The following CCNY variants were observed in gnomAD, a reference collection of about 807,000 sequenced individuals.
CCNY encodes cyclin Y.
In CCNY, 19 loss-of-function variants were observed where a neutral mutation model predicts 42.8. The observed-to-expected ratio is 0.44, with a 90% CI of 0.31 to 0.65. CCNY has a LOEUF of 0.65. Ranked by LOEUF, CCNY falls within the 30% of genes least tolerant of loss-of-function variation. CCNY has a pLI of 0.07. For missense variants in CCNY, 370 were observed against 437.3 expected (o/e 0.85, Z 1.37); for synonymous variants, 165 against 162.7 (o/e 1.01, Z -0.11).
rs538360397 is a variant in CCNY at position 35,296,988 on chromosome 10, A to C, written c.-9+46362A>C. 3.3e-5 allele frequency among the ~76,000 whole-genome samples: 5 copies of C among 152,170 alleles called. No homozygotes were observed. In the South Asian group the frequency reaches 1.0e-3, roughly 32 times the overall value. On this transcript the variant is annotated intron_variant, in intron 3 of 11. Transcript: ENST00000374706. ...GTCATCCTGATACCAAAACCTGGCA[A>C]AACACAACAACAAAAAAATCTTCAG... is the stretch of plus-strand genomic sequence containing the variant.
chr10:35,416,758 G>A (rs188738882), intron 1 of CCNY, among the ~76,000 whole-genome samples: 82 of 152,266 alleles, frequency 5.4e-4, no homozygotes, highest in Middle Eastern at 3.4e-3. Flanking sequence ...GGAGGGCCGC[G>A]GACCACCTGC....
intron 1 of CCNY, among the ~76,000 whole-genome samples, chr10:35,462,077 A>G (rs149911558): frequency 4.6e-4 from 70 of 152,348 alleles, no homozygotes; most frequent in African/African-American, 1.5e-3. Context: ...TCCTAACTCT[A>G]GAAAATCAAG....
chr10:35,466,568 C>T (rs1263072307), intron 1 of CCNY, among the ~76,000 whole-genome samples: 2 of 152,184 alleles, frequency 1.3e-5, no homozygotes, highest in Non-Finnish European at 2.9e-5. Context: ...TCAAGCCTCA[C>T]ACAGAAGGGA....
At chr10:35,500,429 A>G (rs1254804787) in intron 2 of CCNY, among the ~76,000 whole-genome samples, 1 of 152,230 alleles carries the variant, frequency 6.6e-6, no homozygotes. Flanking sequence ...ACAGTTCCAT[A>G]GTCCCTTCAA....
intron 1 of CCNY, among the ~76,000 whole-genome samples, chr10:35,452,061 C>T (rs1486909948): frequency 6.6e-6 from 1 of 152,130 alleles, no homozygotes; most frequent in Non-Finnish European, 1.5e-5. Context: ...ATTTTGTTTA[C>T]TAGCTTAGTA....
chr10:35,502,819 C>T (rs2135392453), intron 3 of CCNY, among the ~76,000 whole-genome samples: 1 of 152,086 alleles, frequency 6.6e-6, no homozygotes, highest in East Asian at 1.9e-4. Context: ...TCTCTAAATC[C>T]TTGCTTCCAT....
intron 1 of CCNY, among the ~76,000 whole-genome samples, chr10:35,465,938 A>AGAGAGAGAGAGAGAGAGAGTGTGT: frequency 0.023 from 1,813 of 79,952 alleles, 60 homozygotes; most frequent in Non-Finnish European, 0.033. Flanking sequence ...AGAGAGAGAG[A>AGAGAGAGAGAGAGAGAGAGTGTGT]GTGTGTGTGT....
chr10:35,523,757 C>CT (rs1044732705), intron 4 of CCNY, among the ~76,000 whole-genome samples: 1 of 152,038 alleles, frequency 6.6e-6, no homozygotes. Flanking sequence ...CTTTTATATA[C>CT]TTTTTTTATT....
intron 1 of CCNY, among the ~76,000 whole-genome samples, chr10:35,391,093 C>A (rs1246588977): frequency 6.6e-6 from 1 of 152,194 alleles, no homozygotes; most frequent in Admixed American, 6.5e-5. Flanking sequence ...AGCACTCAAA[C>A]ATAAATTTAA....
chr10:35,255,776 G>A (rs188094007), intron 3 of CCNY, among the ~76,000 whole-genome samples: 1 of 151,916 alleles, frequency 6.6e-6, no homozygotes, highest in Non-Finnish European at 1.5e-5. Flanking sequence ...TAAAAATTTT[G>A]TAGAGATGGG....
upstream of CCNY, among the ~76,000 whole-genome samples, chr10:35,333,708 T>C (rs1160204597): frequency 6.6e-6 from 1 of 152,214 alleles, no homozygotes; most frequent in Non-Finnish European, 1.5e-5. Context: ...AATAGTATAG[T>C]GCATGGCAGC....
At chr10:35,475,797 TTAAATG>T (rs1170172748) in intron 1 of CCNY, among the ~76,000 whole-genome samples, 6 of 150,630 alleles carry the variant, frequency 4.0e-5, no homozygotes, top group African/African-American at 1.2e-4. Flanking sequence ...ACTATTAACT[TTAAATG>T]TAAATGGACT....
chr10:35,360,624 T>A (rs570334279), intron 1 of CCNY, among the ~76,000 whole-genome samples: 5 of 152,216 alleles, frequency 3.3e-5, no homozygotes, highest in African/African-American at 7.2e-5. Context: ...TTTCCCTCCT[T>A]GATTTTAGAA....
chr10:35,296,318 G>A (rs752644112), intron 3 of CCNY, among the ~76,000 whole-genome samples: 3 of 152,176 alleles, frequency 2.0e-5, no homozygotes, highest in Admixed American at 6.5e-5. Context: ...GGTGGCTCAC[G>A]CCTGTAATTT....
intron 3 of CCNY, among the ~76,000 whole-genome samples, chr10:35,295,334 C>T (rs892550115): frequency 4.6e-5 from 7 of 151,576 alleles, no homozygotes; most frequent in African/African-American, 1.7e-4. Context: ...CGGGTTCAAG[C>T]GATTCTCCTG....
At chr10:35,362,131 C>CA (rs1426904966) in intron 1 of CCNY, among the ~76,000 whole-genome samples, 2 of 151,614 alleles carry the variant, frequency 1.3e-5, no homozygotes, top group Non-Finnish European at 2.9e-5. Flanking sequence ...TTCCAAAATC[C>CA]AAAAAAAATT....
chr10:35,429,012 T>C (rs1838328392), intron 1 of CCNY, among the ~76,000 whole-genome samples: 2 of 152,222 alleles, frequency 1.3e-5, no homozygotes, highest in Admixed American at 6.5e-5. Flanking sequence ...TTTCCTGTTA[T>C]ATTTGTTTTG....
At chr10:35,518,856 C>T (rs1840484502) in intron 4 of CCNY, among the ~76,000 whole-genome samples, 1 of 116,156 alleles carries the variant, frequency 8.6e-6, no homozygotes, top group East Asian at 2.6e-4. Context: ...CTGTGAGTAT[C>T]TGGATTTTTA....
chr10:35,315,861 G>A (rs958240271), intron 3 of CCNY, among the ~76,000 whole-genome samples: 1 of 151,984 alleles, frequency 6.6e-6, no homozygotes, highest in South Asian at 2.1e-4. Context: ...ATAATGTCAT[G>A]CAACCACCAC....
Sources: gnomAD v4.1 joint callset for allele counts (sites outside exome capture counted in the v4.1 genomes callset) on GRCh38, gnomAD v4.1.1 for gene constraint, MANE v1.5 for transcripts, NCBI Gene and HGNC (gene_info 2026-07-23, HGNC 2026-07-21) for gene names.